Variants in RBFOX1 observed in about 807,000 individuals in gnomAD.
The protein encoded by RBFOX1 is RNA binding protein fox-1 homolog 1.
In RBFOX1, 8 loss-of-function variants were observed where a neutral mutation model predicts 57.7. The ratio of observed to expected loss-of-function variants is 0.14; its 90% confidence interval spans 0.08 to 0.25. The LOEUF (loss-of-function observed/expected upper bound fraction) is 0.25. RBFOX1 is among the 10% of genes least tolerant of loss of function. RBFOX1 has a pLI of 1.00. For missense variants in RBFOX1, 611 were observed against 548.5 expected (o/e 1.11, Z -1.14); for synonymous variants, 326 against 222.4 (o/e 1.47, Z -4.15).
At chr16:6,147,603 TGAAAA>T (rs913345424) in intron 1 of RBFOX1, among the ~76,000 whole-genome samples, 1 of 151,684 alleles carries the variant, frequency 6.6e-6, no homozygotes, top group African/African-American at 2.4e-5. Flanking sequence ...GCAAGAAAGA[TGAAAA>T]GAAATTGATT....
chr16:7,397,256 G>T (rs529976233), intron 4 of RBFOX1, among the ~76,000 whole-genome samples: 6 of 152,178 alleles, frequency 3.9e-5, no homozygotes, highest in Non-Finnish European at 8.8e-5. Flanking sequence ...AGAATTGTGT[G>T]TATTGTGTTT....
At chr16:5,625,211 G>A (rs1449621557) in intron 3 of RBFOX1, among the ~76,000 whole-genome samples, 1 of 151,148 alleles carries the variant, frequency 6.6e-6, no homozygotes, top group Non-Finnish European at 1.5e-5. Flanking sequence ...GAACAGGGCA[G>A]GATATTTTTT....
intron 3 of RBFOX1, among the ~76,000 whole-genome samples, chr16:7,018,768 A>G (rs576262783): frequency 1.4e-5 from 2 of 145,074 alleles, no homozygotes; most frequent in Admixed American, 1.4e-4. Context: ...GTGCACATGT[A>G]CCCTATACCT....
chr16:7,241,423 C>A (rs1475593864), intron 4 of RBFOX1, among the ~76,000 whole-genome samples: 1 of 152,096 alleles, frequency 6.6e-6, no homozygotes. Flanking sequence ...ATTATGCATT[C>A]CAACGTCTAA....
rs536454608 is a variant in RBFOX1 at position 5,389,083 on chromosome 16, C to T, written c.220-78133C>T. On this transcript the variant is annotated intron_variant, in intron 1 of 2. Coordinates refer to the RBFOX1 transcript ENST00000585867. ...GCAGGCCCCTGTAGTCCCAGCTACT[C>T]GGGAGGCTGAGGCAGGAGAATGGCG... Among the ~76,000 whole-genome samples the T allele has an allele frequency of 1.3e-4, 20 of 151,528 alleles. No individual in the cohort carries two copies. In the East Asian group the frequency reaches 3.4e-3, roughly 26 times the overall value.
At chr16:6,449,385 G>A (rs773690980) in intron 2 of RBFOX1, among the ~76,000 whole-genome samples, 1 of 152,216 alleles carries the variant, frequency 6.6e-6, no homozygotes, top group Non-Finnish European at 1.5e-5. Context: ...CAGTGGCTTT[G>A]TTTCGGGGTA....
chr16:6,535,041 T>C (rs905444431), intron 2 of RBFOX1, among the ~76,000 whole-genome samples: 1 of 152,222 alleles, frequency 6.6e-6, no homozygotes, highest in African/African-American at 2.4e-5. Context: ...TGCTACAGCA[T>C]TGGATTCCGC....
At chr16:6,531,412 T>A (rs954824760) in intron 2 of RBFOX1, among the ~76,000 whole-genome samples, 1 of 152,204 alleles carries the variant, frequency 6.6e-6, no homozygotes, top group Admixed American at 6.5e-5. Flanking sequence ...TCTTAAGACA[T>A]CTTACTCGTT....
intron 6 of RBFOX1, among the ~76,000 whole-genome samples, chr16:7,586,395 T>A (rs759667718): frequency 8.5e-5 from 13 of 152,328 alleles, no homozygotes; most frequent in Non-Finnish European, 1.8e-4. Flanking sequence ...GATCAAGAAT[T>A]GCTTGATGTA....
chr16:6,491,063 T>C (rs994616132), intron 2 of RBFOX1, among the ~76,000 whole-genome samples: 5 of 152,106 alleles, frequency 3.3e-5, no homozygotes, highest in African/African-American at 1.2e-4. Flanking sequence ...CTGTAGATAC[T>C]ATCTATTAGT....
intron 1 of RBFOX1, among the ~76,000 whole-genome samples, chr16:5,385,642 G>T (rs138432074): frequency 1.3e-5 from 2 of 152,254 alleles, no homozygotes; most frequent in Admixed American, 1.3e-4. Context: ...TTGCCGGAAG[G>T]TTCTTCATCA....
chr16:6,287,499 A>G (rs1039159972), intron 1 of RBFOX1, among the ~76,000 whole-genome samples: 22 of 152,174 alleles, frequency 1.4e-4, no homozygotes, highest in African/African-American at 4.8e-4. Context: ...GCAATACCAA[A>G]TACTAGATTA....
intron 1 of RBFOX1, among the ~76,000 whole-genome samples, chr16:6,257,953 C>T (rs1470752577): frequency 6.6e-6 from 1 of 152,058 alleles, no homozygotes; most frequent in Non-Finnish European, 1.5e-5. Context: ...AATGGGATTG[C>T]TGAGTCAGAT....
chr16:6,009,985 A>G (rs1057048663), intron 4 of RBFOX1, among the ~76,000 whole-genome samples: 4 of 152,284 alleles, frequency 2.6e-5, no homozygotes, highest in African/African-American at 9.6e-5. Context: ...ACATTTTGAC[A>G]TTCCGTCAGT....
At chr16:6,763,501 C>G (rs1220756498) in intron 3 of RBFOX1, among the ~76,000 whole-genome samples, 2 of 152,214 alleles carry the variant, frequency 1.3e-5, no homozygotes, top group South Asian at 2.1e-4. Context: ...TTTCTGACCT[C>G]TCCTCCAACC....
At chr16:5,673,690 T>C (rs1005566685) in intron 3 of RBFOX1, among the ~76,000 whole-genome samples, 4 of 152,204 alleles carry the variant, frequency 2.6e-5, no homozygotes, top group African/African-American at 9.7e-5. Flanking sequence ...CTTCTCTCCT[T>C]CTCTAGCTAC....
intron 4 of RBFOX1, among the ~76,000 whole-genome samples, chr16:5,871,607 A>G (rs2057473322): frequency 6.6e-6 from 1 of 152,162 alleles, no homozygotes; most frequent in Non-Finnish European, 1.5e-5. Flanking sequence ...TTGGATTGCA[A>G]ATGCGTATGT....
chr16:7,636,090 A>G (rs911779369), intron 11 of RBFOX1, among the ~76,000 whole-genome samples: 1 of 152,226 alleles, frequency 6.6e-6, no homozygotes, highest in Admixed American at 6.5e-5. Context: ...GATTGCAGGC[A>G]TGAGCCACTG....
At chr16:6,461,981 G>A (rs562362859) in intron 2 of RBFOX1, among the ~76,000 whole-genome samples, 84 of 152,218 alleles carry the variant, frequency 5.5e-4, no homozygotes, top group African/African-American at 2.0e-3. Context: ...TGTTTCACAC[G>A]ATGCATCTTT....
Sources: allele counts gnomAD v4.1 joint callset (sites outside exome capture counted in the v4.1 genomes callset), GRCh38; gene constraint gnomAD v4.1.1; transcripts MANE v1.5; gene names NCBI Gene and HGNC (gene_info 2026-07-23, HGNC 2026-07-21).